Variants in GALNT1 observed in about 807,000 individuals in gnomAD.
The protein encoded by GALNT1 is polypeptide N-acetylgalactosaminyltransferase 1.
A neutral mutation model predicts 65.7 loss-of-function variants in GALNT1; 17 were observed. That is an observed-to-expected ratio of 0.26 (90% confidence interval 0.18 to 0.39). The LOEUF (loss-of-function observed/expected upper bound fraction) is 0.39. GALNT1 is among the 10% of genes least tolerant of loss of function. The pLI is 1.00. For synonymous variants in GALNT1, 210 were observed against 219.7 expected (o/e 0.96, Z 0.39); for missense variants, 460 against 672.8 (o/e 0.68, Z 3.50).
chr18:35,680,768 C>T (rs970732734), intron 4 of GALNT1, among the ~76,000 whole-genome samples: 3 of 152,052 alleles, frequency 2.0e-5, no homozygotes, highest in African/African-American at 4.8e-5. Context: ...GAGGAGTATC[C>T]AAACCCTGTA....
intron 8 of GALNT1, among the ~76,000 whole-genome samples, chr18:35,691,622 A>G (rs527970707): frequency 6.6e-6 from 1 of 152,288 alleles, no homozygotes; most frequent in African/African-American, 2.4e-5. Flanking sequence ...CAGGCCCTCA[A>G]TGCTGTCATA....
At chr18:35,635,193 A>G (rs895674672) in intron 1 of GALNT1, among the ~76,000 whole-genome samples, 2 of 152,196 alleles carry the variant, frequency 1.3e-5, no homozygotes, top group Non-Finnish European at 2.9e-5. Context: ...TGAGAATCAC[A>G]GGGACATGCT....
intron 1 of GALNT1, among the ~76,000 whole-genome samples, chr18:35,612,194 T>G (rs2046726348): frequency 6.6e-6 from 1 of 152,184 alleles, no homozygotes; most frequent in South Asian, 2.1e-4. Context: ...TTTAAATATT[T>G]TTAAGATGTG....
At chr18:35,697,100 AG>A (rs1316003164) in intron 9 of GALNT1, among the ~76,000 whole-genome samples, 1 of 152,164 alleles carries the variant, frequency 6.6e-6, no homozygotes, top group Non-Finnish European at 1.5e-5. Context: ...CTACTTCCAA[AG>A]GGGGGTTGAA....
intron 1 of GALNT1, chr18:35,596,275 C>G (rs558524519): frequency 3.3e-5 from 5 of 152,228 alleles, no homozygotes; most frequent in African/African-American, 1.2e-4. Context: ...GTAGACAAGT[C>G]AAAATAGACG....
intron 1 of GALNT1, among the ~76,000 whole-genome samples, chr18:35,605,530 G>C (rs1372655403): frequency 6.6e-6 from 1 of 150,458 alleles, no homozygotes; most frequent in Non-Finnish European, 1.5e-5. Flanking sequence ...TTTTCTCTCA[G>C]GTGCTTAAAA....
intron 5 of GALNT1, among the ~76,000 whole-genome samples, chr18:35,684,945 TAGTA>T (rs2047844566): frequency 6.6e-6 from 1 of 152,152 alleles, no homozygotes; most frequent in South Asian, 2.1e-4. Flanking sequence ...ATCTGTATCT[TAGTA>T]TAAAGCAAGA....
intron 5 of GALNT1, among the ~76,000 whole-genome samples, chr18:35,685,035 A>C (rs1182788807): frequency 6.6e-6 from 1 of 152,192 alleles, no homozygotes; most frequent in Non-Finnish European, 1.5e-5. Flanking sequence ...AGGGGAAACA[A>C]ATCTCCCCTA....
At chr18:35,610,680 A>C (rs543120345) in intron 1 of GALNT1, among the ~76,000 whole-genome samples, 12 of 152,300 alleles carry the variant, frequency 7.9e-5, no homozygotes, top group African/African-American at 2.9e-4. Context: ...TTGTGGGTTC[A>C]TATGTATTGA....
intron 1 of GALNT1, among the ~76,000 whole-genome samples, chr18:35,646,535 G>C (rs12185361): frequency 0.012 from 1,814 of 152,290 alleles, 23 homozygotes; most frequent in Non-Finnish European, 0.014. Flanking sequence ...TTACTATGTG[G>C]ACCTCTGCAT....
rs186352359 is a variant in GALNT1, at chr18:35,698,332, G to C, written c.1300-4565G>C. Among the ~76,000 whole-genome samples, 105 of 152,174 alleles carry C rather than the reference G, an allele frequency of 6.9e-4. 1 individual carries two copies. Among genetic ancestry groups the C allele is most frequent in the African/African-American group, 2.4e-3 (100 of 41,534 alleles). The stretch of plus-strand genomic sequence containing the variant: ...AAAATATGAAAAATTAGCTGAGTGT[G>C]GTGGCCCGCATCTGTAGTCCCAGCT... On this transcript the variant is annotated intron_variant, in intron 9 of 11. Transcript: ENST00000269195.
intron 1 of GALNT1, among the ~76,000 whole-genome samples, chr18:35,648,353 T>C (rs2047264349): frequency 6.6e-6 from 1 of 152,210 alleles, no homozygotes; most frequent in Non-Finnish European, 1.5e-5. Context: ...GCAAGTGTTC[T>C]GAGCACATTT....
chr18:35,670,499 T>A (rs1222224797), intron 3 of GALNT1, among the ~76,000 whole-genome samples: 1 of 152,148 alleles, frequency 6.6e-6, no homozygotes, highest in Non-Finnish European at 1.5e-5. Flanking sequence ...AAAAATTAAA[T>A]ACCTAAATAA....
At chr18:35,619,050 G>T (rs1038161713) in intron 1 of GALNT1, among the ~76,000 whole-genome samples, 6 of 152,148 alleles carry the variant, frequency 3.9e-5, no homozygotes, top group African/African-American at 1.4e-4. Context: ...CTTAAAAACC[G>T]ATATGCCAAA....
intron 1 of GALNT1, among the ~76,000 whole-genome samples, chr18:35,648,043 A>C (rs1598794532): frequency 6.7e-6 from 1 of 148,902 alleles, no homozygotes; most frequent in East Asian, 2.0e-4. Flanking sequence ...AAGAAGAAGA[A>C]GAAGAAGGAA....
At chr18:35,709,513 T>C (rs1181821600) in intron 11 of GALNT1, 111 bp from the exon 12 acceptor site, 11 of 1,008,896 alleles carry the variant, frequency 1.1e-5, no homozygotes, top group Non-Finnish European at 1.6e-5. Flanking sequence ...TTTTAAATAA[T>C]GTATATTACC....
At chr18:35,628,790 A>G (rs2046958378) in intron 1 of GALNT1, among the ~76,000 whole-genome samples, 1 of 152,222 alleles carries the variant, frequency 6.6e-6, no homozygotes, top group South Asian at 2.1e-4. Flanking sequence ...GGAAGTTCGA[A>G]CCCAACGCAA....
chr18:35,614,640 G>C (rs1006587792), intron 1 of GALNT1, among the ~76,000 whole-genome samples: 1 of 152,136 alleles, frequency 6.6e-6, no homozygotes, highest in African/African-American at 2.4e-5. Context: ...GGAATGAACA[G>C]AATGGTCATT....
intron 2 of GALNT1, among the ~76,000 whole-genome samples, chr18:35,655,707 T>C (rs950823693): frequency 6.6e-6 from 1 of 152,090 alleles, no homozygotes; most frequent in African/African-American, 2.4e-5. Flanking sequence ...TTTTTATACT[T>C]TTATGATGAG....
Sources: gnomAD v4.1 joint callset for allele counts (sites outside exome capture counted in the v4.1 genomes callset) on GRCh38, gnomAD v4.1.1 for gene constraint, MANE v1.5 for transcripts, NCBI Gene and HGNC (gene_info 2026-07-23, HGNC 2026-07-21) for gene names.